Variants in SLC12A2 observed in about 807,000 individuals in gnomAD.
SLC12A2 encodes solute carrier family 12 member 2.
SLC12A2 carries 67 observed loss-of-function variants against 136.3 expected under a neutral mutation model. That is an observed-to-expected ratio of 0.49 (90% CI 0.40 to 0.60). The LOEUF is 0.60. Among genes scored for constraint, SLC12A2 ranks in the 20% least tolerant of loss-of-function variants. The pLI is 0.00. For missense variants in SLC12A2, 1,322 were observed against 1,534.7 expected (o/e 0.86, Z 2.32); for synonymous variants, 619 against 562.9 (o/e 1.10, Z -1.41).
chr5:128,181,163 TTAAC>T (rs1763692901), intron 23 of SLC12A2, among the ~76,000 whole-genome samples, 169 bp downstream of exon 23: 3 of 152,238 alleles, frequency 2.0e-5, no homozygotes. Flanking sequence ...GTCTTCATGT[TTAAC>T]TAGTAAATAC....
At chr5:128,112,656 G>T (rs1266029105) in intron 1 of SLC12A2, among the ~76,000 whole-genome samples, 158 bp from the exon 2 acceptor site, 1 of 152,124 alleles carries the variant, frequency 6.6e-6, no homozygotes, top group Non-Finnish European at 1.5e-5. Context: ...TTATTGTTTT[G>T]TCCTTTCCTG....
chr5:128,147,587 GATTT>G (rs1325085210), intron 10 of SLC12A2, 31 bp from the exon 11 acceptor site: 1 of 1,347,098 alleles, frequency 7.4e-7, no homozygotes, highest in South Asian at 1.2e-5. Flanking sequence ...TTGTTTGTGA[GATTT>G]ATTTTTCCAT....
chr5:128,097,272 A>G (rs1165080834), intron 1 of SLC12A2, among the ~76,000 whole-genome samples: 1 of 151,978 alleles, frequency 6.6e-6, no homozygotes, highest in Non-Finnish European at 1.5e-5. Flanking sequence ...ACCTTTTTGC[A>G]TTTCTGTGCA....
intron 1 of SLC12A2, among the ~76,000 whole-genome samples, chr5:128,103,429 A>G (rs1760815890): frequency 6.6e-6 from 1 of 152,242 alleles, no homozygotes; most frequent in Admixed American, 6.5e-5. Flanking sequence ...CTACTATTTC[A>G]GGACATTATT....
At chr5:128,131,630 G>A (rs1271897620) in intron 5 of SLC12A2, among the ~76,000 whole-genome samples, 1 of 152,112 alleles carries the variant, frequency 6.6e-6, no homozygotes, top group African/African-American at 2.4e-5. Flanking sequence ...TGTGAACCCA[G>A]GAGGTGGAGC....
chr5:128,135,931 A>G lies in SLC12A2; in HGVS notation c.1408+123A>G. 4.5e-6 allele frequency: 3 copies of G among 673,790 alleles called. No homozygotes were observed. In the South Asian group the frequency reaches 5.1e-5, roughly 11 times the overall value. 41.7% of individuals were successfully genotyped at this position (673,790 alleles called of 1,614,324 possible). On this transcript the variant is annotated intron_variant, in intron 7 of 26. Transcript: ENST00000262461. The stretch of plus-strand genomic sequence containing the variant: ...GACTATGGTTTGGTGATTCACCCTA[A>G]TTTACAATTTAGTTTTGTCCCCTTT...
intron 1 of SLC12A2, among the ~76,000 whole-genome samples, chr5:128,089,684 T>G (rs1207221017): frequency 6.6e-6 from 1 of 152,226 alleles, no homozygotes; most frequent in African/African-American, 2.4e-5. Flanking sequence ...AGTGTTTATC[T>G]TCATACAGAG....
chr5:128,167,762 C>T lies in SLC12A2; in HGVS notation c.2618C>T (p.Ala873Val). The T allele has an allele frequency of 1.3e-6, 2 of 1,596,396 alleles. No individual in the cohort carries two copies. Among genetic ancestry groups the T allele is most frequent in the Non-Finnish European group, 1.7e-6 (2 of 1,171,636 alleles). ...LREGAQYLMQ[A>V]AGLGRMKPNT... ...AGTTATATTGACCCTATATTTTAGG[C>T]TGCTGGTCTTGGTCGTATGAAGCCA... The change falls in exon 18 of 27, where the codon GCT (alanine) becomes GTT (valine). Residue 873 changes from alanine to valine, a missense_variant and splice_region_variant. Ala to Val is a moderately conservative substitution (Grantham distance 64). This residue lies in a region of SLC12A2 where 226 missense variants were observed against 210.4 expected (regional missense o/e 1.07). Transcript: ENST00000262461.
rs1388647137 is a variant in SLC12A2, at chr5:128,184,267, G to A, written c.3300-99G>A. ...GTATGGAGAGGAGCGTAATAAATGA[G>A]AGGCACTAACTTTGCAAGTTACAAT... On this transcript the variant is annotated intron_variant, in intron 24 of 26. Coordinates refer to ENST00000262461, the MANE Select transcript of SLC12A2 (RefSeq NM_001046.3). 4 of 740,372 alleles carry A rather than the reference G, an allele frequency of 5.4e-6. No homozygotes were observed. In the South Asian group the frequency reaches 9.4e-5, roughly 17 times the overall value. 45.9% of individuals were successfully genotyped at this position (740,372 alleles called of 1,614,324 possible).
chr5:128,185,304 C>T (rs546028610), intron 26 of SLC12A2, among the ~76,000 whole-genome samples: 2 of 152,196 alleles, frequency 1.3e-5, no homozygotes, highest in African/African-American at 2.4e-5. Context: ...GTTTCCAACA[C>T]GCAAATTTTA....
In SLC12A2 at chr5:128,084,512, C is replaced by T. The variant is rs1759999076; in HGVS notation, c.558C>T (p.His186=). Residue 186 remains histidine, a synonymous_variant, in exon 1 of 27, where the codon CAC becomes CAT. Coordinates refer to ENST00000262461, the MANE Select transcript of SLC12A2 (RefSeq NM_001046.3). This position sits in a 1 kb window ranked among gnomAD's most constrained non-coding sequence, Gnocchi z 5.6. ...DTVLSEGSSL[H]SGGGGGSGHH... ...TGCTGAGCGAGGGCAGCAGCCTGCACTCCGGCGGCGGCGGCGGCAGTGGGC... is the reference window on the plus strand; with the variant it reads ...TGCTGAGCGAGGGCAGCAGCCTGCATTCCGGCGGCGGCGGCGGCAGTGGGC... The T allele has an allele frequency of 6.2e-7, 1 of 1,613,288 alleles. No individual in the cohort carries two copies. Among genetic ancestry groups the T allele is most frequent in the Admixed American group, 1.7e-5 (1 of 59,990 alleles).
At chr5:128,097,034 AAG>A (rs1291216573) in intron 1 of SLC12A2, among the ~76,000 whole-genome samples, 1 of 152,084 alleles carries the variant, frequency 6.6e-6, no homozygotes, top group African/African-American at 2.4e-5. Context: ...AATACAAAAA[AAG>A]AGTCAGTGAA....
intron 6 of SLC12A2, among the ~76,000 whole-genome samples, chr5:128,135,487 T>C (rs1762157001): frequency 6.6e-6 from 1 of 152,080 alleles, no homozygotes; most frequent in Non-Finnish European, 1.5e-5. Flanking sequence ...TTACTATCTT[T>C]TTTTTCCCCA....
intron 17 of SLC12A2, among the ~76,000 whole-genome samples, chr5:128,165,390 CAT>C (rs760686860): frequency 2.7e-4 from 41 of 152,224 alleles, no homozygotes; most frequent in Non-Finnish European, 5.4e-4. Flanking sequence ...GCACAGAAAA[CAT>C]TGTTAAAGAT....
intron 1 of SLC12A2, 78 bp from the exon 2 acceptor site, chr5:128,112,736 A>T (rs1421583527): frequency 9.0e-7 from 1 of 1,116,500 alleles, no homozygotes; most frequent in Non-Finnish European, 1.3e-6. Context: ...GGTTAGATGT[A>T]TTTAGTTATG....
chr5:128,159,983 C>G (rs542051567), intron 16 of SLC12A2, among the ~76,000 whole-genome samples: 1 of 152,116 alleles, frequency 6.6e-6, no homozygotes, highest in African/African-American at 2.4e-5. Context: ...GACTTGGAAC[C>G]AACCCAAATG....
chr5:128,135,382 A>G lies in SLC12A2; in HGVS notation c.1300-318A>G, dbSNP rs181785821. Among the ~76,000 whole-genome samples the G allele has an allele frequency of 2.0e-5, 3 of 152,216 alleles. No individual in the cohort carries two copies. In the East Asian group the frequency reaches 5.8e-4, roughly 29 times the overall value. On this transcript the variant is annotated intron_variant, in intron 6 of 26. Coordinates refer to ENST00000262461, the MANE Select transcript of SLC12A2 (RefSeq NM_001046.3). ...GACAGGAATGAATGATCTAGAATGA[A>G]AGCCTATATTGTTTTGGAATTTACA... is the stretch of plus-strand genomic sequence containing the variant.
chr5:128,177,298 A>C, intron 21 of SLC12A2, 146 bp downstream of exon 21: 1 of 537,314 alleles, frequency 1.9e-6, no homozygotes, highest in East Asian at 3.6e-5. Flanking sequence ...TAGAAAAATT[A>C]TTATTAGTCT....
intron 1 of SLC12A2, among the ~76,000 whole-genome samples, chr5:128,101,278 G>A (rs1340999198): frequency 6.6e-6 from 1 of 151,896 alleles, no homozygotes; most frequent in Admixed American, 6.6e-5. Context: ...GAATAAAACC[G>A]GCCACTTTGG....
Sources: gnomAD v4.1 joint callset for allele counts (sites outside exome capture counted in the v4.1 genomes callset) on GRCh38, gnomAD v4.1.1 for gene constraint, gnomAD v4.1.1 regional missense constraint, Gnocchi (gnomAD v3.1) non-coding constraint, MANE v1.5 for transcripts, NCBI Gene and HGNC (gene_info 2026-07-23, HGNC 2026-07-21) for gene names.